The following C11orf65 variants were observed in gnomAD, a reference collection of about 807,000 sequenced individuals.
C11orf65 encodes the protein chromosome 11 open reading frame 65, also known as protein MFI.
C11orf65 carries 38 observed loss-of-function variants against 35.3 expected under a neutral mutation model. The observed-to-expected ratio is 1.08, with a 90% confidence interval of 0.83 to 1.41. C11orf65 has a LOEUF of 1.41. C11orf65 is among the 40% of genes most tolerant of loss of function. The probability of loss-of-function intolerance (pLI) is 0.00; values close to 1 mark genes in which losing one functional copy is unlikely to be tolerated. For missense variants in C11orf65, 370 were observed against 367.1 expected (o/e 1.01, Z -0.06); for synonymous variants, 105 against 114.4 (o/e 0.92, Z 0.53).
chr11:108,333,823 C>A (rs918711384), intron 3 of C11orf65: 5 of 1,304,664 alleles, frequency 3.8e-6, no homozygotes, highest in Non-Finnish European at 5.6e-6. Context: ...GCTGACTATT[C>A]CTGCTTGACC....
intron 2 of C11orf65, among the ~76,000 whole-genome samples, chr11:108,442,689 G>T (rs143679096): frequency 0.11 from 17,152 of 152,150 alleles, 1,320 homozygotes; most frequent in Non-Finnish European, 0.15. Context: ...TTAAAGAAAA[G>T]AATTTTCAAC....
chr11:108,315,831 C>T lies in C11orf65; in HGVS notation c.641-6760G>A, dbSNP rs1397821498. 1 of 1,611,416 alleles carries T rather than the reference C, an allele frequency of 6.2e-7. No individual in the cohort carries two copies. Among genetic ancestry groups the T allele is most frequent in the African/African-American group, 1.3e-5 (1 of 74,812 alleles). Reference sequence around the variant, plus strand: ...TGTTTCCATGTTTTCAGGATCTTCTCTTAGAAATCTACAGAAGTATAGGGG... The same window carrying T: ...TGTTTCCATGTTTTCAGGATCTTCTTTTAGAAATCTACAGAAGTATAGGGG... On this transcript the variant is annotated intron_variant, in intron 6 of 6. Coordinates refer to the C11orf65 transcript ENST00000525729.
At chr11:108,442,238 CA>C (rs1357994817) in intron 2 of C11orf65, among the ~76,000 whole-genome samples, 1 of 151,734 alleles carries the variant, frequency 6.6e-6, no homozygotes, top group Non-Finnish European at 1.5e-5. Context: ...GATTGAAGAT[CA>C]AAAGAATGAA....
In C11orf65 at chr11:108,335,947, A is replaced by G. The variant is rs1215163673; in HGVS notation, c.227-655T>C. On this transcript the variant is annotated intron_variant, in intron 2 of 3. Coordinates refer to the C11orf65 transcript ENST00000524755. ...GGAAACTAGGAAGAGGAAATTAACTATCTGTACTTATAAGGTAACTATTTG... is the reference window on the plus strand; with the variant it reads ...GGAAACTAGGAAGAGGAAATTAACTGTCTGTACTTATAAGGTAACTATTTG... 2 of 1,609,100 alleles carry G rather than the reference A, an allele frequency of 1.2e-6. No homozygotes were observed. Among genetic ancestry groups the G allele is most frequent in the Non-Finnish European group, 1.7e-6 (2 of 1,175,610 alleles).
At chr11:108,394,891 G>A (rs899527929) in intron 6 of C11orf65, among the ~76,000 whole-genome samples, 2 of 152,156 alleles carry the variant, frequency 1.3e-5, no homozygotes, top group African/African-American at 4.8e-5. Context: ...AGCACTTTGG[G>A]AGGGTAAGGC....
downstream of C11orf65, chr11:108,330,366 T>G (rs2086130504): frequency 6.2e-7 from 1 of 1,614,098 alleles, no homozygotes. Context: ...GTATTCCGAC[T>G]TTGTTCCCTC....
At chr11:108,330,165 C>G (rs1262374046), downstream of C11orf65, 1 of 1,571,846 alleles carries the variant, frequency 6.4e-7, no homozygotes, top group South Asian at 1.1e-5. Context: ...TTTTGTAGTT[C>G]TGTTAAAGTT....
At chr11:108,311,268 C>G (rs975609457) in intron 6 of C11orf65, among the ~76,000 whole-genome samples, 13 of 152,284 alleles carry the variant, frequency 8.5e-5, no homozygotes, top group Non-Finnish European at 1.8e-4. Flanking sequence ...AGCCGCTGCA[C>G]CTGGTCCCAA....
At chr11:108,441,702 G>A (rs2093157364) in intron 2 of C11orf65, among the ~76,000 whole-genome samples, 1 of 152,190 alleles carries the variant, frequency 6.6e-6, no homozygotes, top group Admixed American at 6.5e-5. Flanking sequence ...GTGATACCCA[G>A]GCAAACAAGG....
chr11:108,434,506 A>G (rs950562322), intron 2 of C11orf65, among the ~76,000 whole-genome samples: 8 of 146,684 alleles, frequency 5.5e-5, no homozygotes, highest in Non-Finnish European at 1.2e-4. Context: ...CTCTGTCTCA[A>G]AAAAAAAAAA....
intron 3 of C11orf65, among the ~76,000 whole-genome samples, chr11:108,420,900 C>G (rs566566579): frequency 6.6e-6 from 1 of 152,248 alleles, no homozygotes; most frequent in Middle Eastern, 3.4e-3. Flanking sequence ...CAGGTGTGAG[C>G]TACCGCACCC....
At chr11:108,347,183 A>G in intron 2 of C11orf65, 1 of 973,650 alleles carries the variant, frequency 1.0e-6, no homozygotes, top group Non-Finnish European at 1.7e-6. Flanking sequence ...CTACTTAAAG[A>G]TTATACCAAG....
At chr11:108,364,157 A>G (rs931117885) in intron 2 of C11orf65, among the ~76,000 whole-genome samples, 2 of 152,216 alleles carry the variant, frequency 1.3e-5, no homozygotes, top group South Asian at 2.1e-4. Flanking sequence ...TAAATCTGCT[A>G]AAGGCATTTT....
chr11:108,347,452 A>T, intron 2 of C11orf65: 1 of 1,113,588 alleles, frequency 9.0e-7, no homozygotes, highest in Non-Finnish European at 1.3e-6. Context: ...TATTACAAAT[A>T]TAAGAGACAG....
intron 8 of C11orf65, among the ~76,000 whole-genome samples, chr11:108,385,674 T>C (rs1008773535): frequency 1.8e-5 from 2 of 110,362 alleles, no homozygotes; most frequent in Non-Finnish European, 3.8e-5. Flanking sequence ...AGAGCAAGAC[T>C]CCGTCTCAAA....
chr11:108,382,689 G>T, downstream of C11orf65: 1 of 754,956 alleles, frequency 1.3e-6, no homozygotes, highest in Non-Finnish European at 1.6e-6. Flanking sequence ...GGGACCGAGA[G>T]CTCTGCCTTC....
chr11:108,423,498 C>T (rs1314315232), intron 3 of C11orf65, among the ~76,000 whole-genome samples: 2 of 152,148 alleles, frequency 1.3e-5, no homozygotes, highest in Non-Finnish European at 2.9e-5. Flanking sequence ...CAGACTTAAA[C>T]GTTCCTGCCT....
At chr11:108,313,858 T>C (rs1008994375) in intron 6 of C11orf65, among the ~76,000 whole-genome samples, 1 of 152,216 alleles carries the variant, frequency 6.6e-6, no homozygotes, top group Admixed American at 6.5e-5. Context: ...CTATGCAGTA[T>C]AGTTCCTAGT....
In C11orf65 at chr11:108,365,067, G is replaced by A. The variant is rs1222455348; in HGVS notation, c.226+28141C>T. On this transcript the variant is annotated intron_variant, in intron 2 of 3. Coordinates refer to the C11orf65 transcript ENST00000524755. ...TGTACATTGTTCTTTTAATACATAT[G>A]TTCTCTCTGTTTAGGTCCTTCTATA... The A allele has an allele frequency of 6.2e-7, 1 of 1,613,270 alleles. No individual in the cohort carries two copies. The highest frequency in any genetic ancestry group is 1.7e-5 in the Admixed American group (1 of 59,994).
Sources: allele counts gnomAD v4.1 joint callset (sites outside exome capture counted in the v4.1 genomes callset), GRCh38; gene constraint gnomAD v4.1.1; transcripts MANE v1.5; gene names NCBI Gene and HGNC (gene_info 2026-07-23, HGNC 2026-07-21).